The following XRRA1 variants were observed in gnomAD, a reference collection of about 807,000 sequenced individuals.
XRRA1 encodes the protein X-ray radiation resistance-associated protein 1.
XRRA1 carries 69 observed loss-of-function variants against 80.2 expected under a neutral mutation model. The observed-to-expected ratio is 0.86, with a 90% CI of 0.71 to 1.05. The LOEUF is 1.05. XRRA1 is among the 50% of genes least tolerant of loss of function. XRRA1 has a pLI of 0.00. For missense variants in XRRA1, 967 were observed against 976.4 expected (o/e 0.99, Z 0.13); for synonymous variants, 348 against 389.9 (o/e 0.89, Z 1.27).
intron 10 of XRRA1, among the ~76,000 whole-genome samples, chr11:74,874,233 C>CAAAAAAAAAAAAAAAAAAAAAAA (rs367875228): frequency 2.1e-5 from 1 of 48,290 alleles, no homozygotes; most frequent in Non-Finnish European, 3.7e-5. Flanking sequence ...GACTCCGTCT[C>CAAAAAAAAAAAAAAAAAAAAAAA]AAAAAAAAAA....
chr11:74,844,344 C>A, intron 16 of XRRA1, 61 bp from the exon 17 acceptor site: 1 of 1,255,944 alleles, frequency 8.0e-7, no homozygotes, highest in Non-Finnish European at 1.1e-6. Flanking sequence ...AGATGCCTCC[C>A]CTGATTGCTT....
At chr11:74,939,858 A>C (rs186590488) in intron 3 of XRRA1, among the ~76,000 whole-genome samples, 1 of 151,934 alleles carries the variant, frequency 6.6e-6, no homozygotes, top group South Asian at 2.1e-4. Context: ...AGAGAGAGAG[A>C]GAGAGCGAGA....
At chr11:74,862,865 C>G in intron 11 of XRRA1, 116 bp downstream of exon 11, 1 of 929,292 alleles carries the variant, frequency 1.1e-6, no homozygotes, top group Non-Finnish European at 1.6e-6. Flanking sequence ...AATGAATGGG[C>G]TTCCTCAGTG....
chr11:74,845,746 C>T (rs956539569), intron 15 of XRRA1, among the ~76,000 whole-genome samples: 7 of 152,196 alleles, frequency 4.6e-5, no homozygotes, highest in South Asian at 2.1e-4. Flanking sequence ...AAGCAGGACC[C>T]GGATCGGTAA....
At chr11:74,845,586 T>TGG (rs2037872395) in intron 15 of XRRA1, among the ~76,000 whole-genome samples, 1 of 152,090 alleles carries the variant, frequency 6.6e-6, no homozygotes, top group South Asian at 2.1e-4. Context: ...GGGAGAGGTG[T>TGG]GGACTGCAAG....
chr11:74,843,737 T>C (rs1005924984), intron 18 of XRRA1, 117 bp downstream of exon 18: 2 of 940,938 alleles, frequency 2.1e-6, no homozygotes, highest in East Asian at 2.6e-5. Flanking sequence ...ATGTAGAGAC[T>C]GATGTAGGCA....
Position 74,841,773 on chromosome 11 carries a change from T to A in XRRA1, c.*1427A>T, listed in dbSNP as rs1446994486. The A allele has an allele frequency of 6.6e-6, 1 of 152,200 alleles. No individual in the cohort carries two copies. The highest frequency in any genetic ancestry group is 2.4e-5 in the African/African-American group (1 of 41,456). 9.4% of individuals were successfully genotyped at this position (152,200 alleles called of 1,614,324 possible). ...ACAGGCAATGAACTCGCTCTTCAAA[T>A]ACCATAGTTCAAGAGTAGCTGTTGG... On this transcript the variant is annotated 3_prime_UTR_variant, in exon 19 of 19. Coordinates refer to ENST00000684022, the MANE Select transcript of XRRA1 (RefSeq NM_001378157.1).
intron 10 of XRRA1, among the ~76,000 whole-genome samples, chr11:74,879,965 T>C (rs1256183436): frequency 1.3e-5 from 2 of 152,134 alleles, no homozygotes; most frequent in Non-Finnish European, 2.9e-5. Context: ...GGTATCAGAA[T>C]GATGCTGGCC....
intron 13 of XRRA1, 113 bp downstream of exon 13, chr11:74,851,876 C>A: frequency 2.3e-6 from 2 of 883,866 alleles, no homozygotes; most frequent in South Asian, 1.5e-5. Context: ...TGAACCTTGT[C>A]CACCCCGACA....
At chr11:74,919,753 A>G in intron 8 of XRRA1, 1 of 455,990 alleles carries the variant, frequency 2.2e-6, no homozygotes, top group East Asian at 5.8e-5. Context: ...GTCAGGAAGG[A>G]GATGGGAACT....
At chr11:74,880,179 CTGGTT>C (rs1279020974) in intron 10 of XRRA1, among the ~76,000 whole-genome samples, 1 of 152,164 alleles carries the variant, frequency 6.6e-6, no homozygotes, top group Non-Finnish European at 1.5e-5. Context: ...CAACTTCTTC[CTGGTT>C]TAGTCTTCAG....
At chr11:74,878,488 T>C (rs1309643305) in intron 10 of XRRA1, among the ~76,000 whole-genome samples, 2 of 152,232 alleles carry the variant, frequency 1.3e-5, no homozygotes, top group Admixed American at 6.5e-5. Context: ...TTTGTCAGTT[T>C]TGGCTTTTGT....
At chr11:74,882,872 A>T (rs1018525111) in intron 10 of XRRA1, among the ~76,000 whole-genome samples, 5 of 152,232 alleles carry the variant, frequency 3.3e-5, no homozygotes, top group Admixed American at 6.5e-5. Context: ...GCCTGTTCTC[A>T]GATCTCCAGC....
chr11:74,860,151 T>C (rs765542082), intron 11 of XRRA1, among the ~76,000 whole-genome samples: 2 of 152,232 alleles, frequency 1.3e-5, no homozygotes, highest in Non-Finnish European at 2.9e-5. Context: ...GTGGGGCACT[T>C]ACTTTGAGCC....
Position 74,842,103 on chromosome 11 carries a change from T to C in XRRA1, c.*1097A>G, listed in dbSNP as rs2036646691. The C allele has an allele frequency of 6.6e-6, 1 of 151,842 alleles. No homozygotes were observed. The highest frequency in any genetic ancestry group is 1.5e-5 in the Non-Finnish European group (1 of 67,986). 9.4% of individuals were successfully genotyped at this position (151,842 alleles called of 1,614,324 possible). ...GCCTTTTCCCCTCCTGCCTAGAAAA[T>C]AGGTTGTGTATTGGTTTTATTCAAC... On this transcript the variant is annotated 3_prime_UTR_variant, in exon 19 of 19. Transcript: ENST00000684022.
At chr11:74,918,692 T>C (rs1175511493) in intron 8 of XRRA1, 1 of 152,270 alleles carries the variant, frequency 6.6e-6, no homozygotes, top group African/African-American at 2.4e-5. Flanking sequence ...TGTAGGGGGC[T>C]GGAGCCATCT....
intron 1 of XRRA1, among the ~76,000 whole-genome samples, chr11:74,947,274 C>T (rs181651623): frequency 5.9e-5 from 9 of 152,112 alleles, no homozygotes; most frequent in African/African-American, 2.2e-4. Flanking sequence ...GCCTGTAATC[C>T]CAGCACTTTG....
At chr11:74,859,493 G>A (rs183599774) in intron 11 of XRRA1, among the ~76,000 whole-genome samples, 38 of 152,198 alleles carry the variant, frequency 2.5e-4, no homozygotes, top group African/African-American at 8.2e-4. Context: ...CTTACATGAT[G>A]AGCTAATTCT....
intron 15 of XRRA1, among the ~76,000 whole-genome samples, chr11:74,847,815 G>A (rs568941023): frequency 1.3e-5 from 2 of 152,320 alleles, no homozygotes; most frequent in Admixed American, 1.3e-4. Flanking sequence ...GGTACAGGCA[G>A]CAGCAAACCC....
Sources: allele counts gnomAD v4.1 joint callset (sites outside exome capture counted in the v4.1 genomes callset), GRCh38; gene constraint gnomAD v4.1.1; transcripts MANE v1.5; gene names NCBI Gene and HGNC (gene_info 2026-07-23, HGNC 2026-07-21).